The following ECT2 variants were observed in gnomAD, a reference collection of about 807,000 sequenced individuals.
ECT2 encodes protein ECT2.
In ECT2, 61 loss-of-function variants were observed where a neutral mutation model predicts 116.9. The ratio of observed to expected loss-of-function variants is 0.52; its 90% CI spans 0.42 to 0.65. ECT2 has a LOEUF of 0.65. Ranked by LOEUF, ECT2 falls within the 30% of genes least tolerant of loss-of-function variation. ECT2 has a pLI of 0.00. For missense variants in ECT2, 937 were observed against 1,078.7 expected (o/e 0.87, Z 1.84); for synonymous variants, 358 against 346.4 (o/e 1.03, Z -0.37).
chr3:172,787,065 A>G (rs1723729840), intron 18 of ECT2, among the ~76,000 whole-genome samples: 1 of 152,078 alleles, frequency 6.6e-6, no homozygotes, highest in Non-Finnish European at 1.5e-5. Context: ...TGATCTGGGG[A>G]GTTTGGTCAT....
At chr3:172,817,088 AT>A (rs1729856363) in intron 24 of ECT2, among the ~76,000 whole-genome samples, 1 of 152,076 alleles carries the variant, frequency 6.6e-6, no homozygotes, top group East Asian at 1.9e-4. Flanking sequence ...AGCTGGCTGC[AT>A]TTCAGACTGG....
intron 22 of ECT2, among the ~76,000 whole-genome samples, chr3:172,813,750 C>T (rs543420401): frequency 1.1e-4 from 17 of 151,972 alleles, no homozygotes; most frequent in Non-Finnish European, 1.0e-4. Context: ...TTACTGCACT[C>T]TAAATGCTCA....
At chr3:172,766,269 T>C (rs569955156) in intron 12 of ECT2, among the ~76,000 whole-genome samples, 17 of 152,334 alleles carry the variant, frequency 1.1e-4, no homozygotes, top group Admixed American at 1.0e-3. Context: ...AATGGATAGA[T>C]CAGTTTGCTT....
In ECT2 at chr3:172,809,774, A is replaced by G. The variant is rs550002012; in HGVS notation, c.2400+1850A>G. ...CTAATAAGCACAACTATTTTATTCT[A>G]TACTATTTCATTTGTCGTGTCCGCT... On this transcript the variant is annotated intron_variant, in intron 22 of 24. Coordinates refer to ENST00000392692, the MANE Select transcript of ECT2 (RefSeq NM_001258315.2). Among the ~76,000 whole-genome samples the G allele has an allele frequency of 6.9e-4, 105 of 152,258 alleles. 1 individual carries two copies. Among genetic ancestry groups the G allele is most frequent in the Non-Finnish European group, 1.4e-3 (93 of 67,982 alleles).
At chr3:172,805,700 T>C in intron 20 of ECT2, 31 bp from the exon 21 acceptor site, 1 of 1,603,806 alleles carries the variant, frequency 6.2e-7, no homozygotes. Context: ...TTCATTTTAT[T>C]GACTGATACT....
chr3:172,772,214 C>G lies in ECT2; in HGVS notation c.1429-1689C>G, dbSNP rs146849884. 2.3e-3 allele frequency among the ~76,000 whole-genome samples: 342 copies of G among 151,062 alleles called. 1 individual carries two copies. The highest frequency in any genetic ancestry group is 8.1e-3 in the African/African-American group (332 of 41,120). On this transcript the variant is annotated intron_variant, in intron 13 of 24. Coordinates refer to ENST00000392692, the MANE Select transcript of ECT2 (RefSeq NM_001258315.2). ...ATGGGGTTTCACCATGTTGGCCAGG[C>G]TGGGAGAATTATTATTTTTTTTGAG...
In ECT2 at chr3:172,760,199, G is replaced by T; in HGVS notation, c.620G>T (p.Arg207Leu). ...TLVHHMGGVIRKDFNSKVTHL... is the reference protein window; with the variant it reads ...TLVHHMGGVILKDFNSKVTHL... Reference sequence around the variant, plus strand: ...GTCCATCACATGGGTGGAGTTATTCGAAAAGACTTTAATTCAAAAGTTACA... The same window carrying T: ...GTCCATCACATGGGTGGAGTTATTCTAAAAGACTTTAATTCAAAAGTTACA... Residue 207 changes from arginine to leucine, a missense_variant, in exon 7 of 25, where the codon CGA becomes CTA. Coordinates refer to ENST00000392692, the MANE Select transcript of ECT2 (RefSeq NM_001258315.2). 2 of 1,612,336 alleles carry T rather than the reference G, an allele frequency of 1.2e-6. No individual in the cohort carries two copies. Among genetic ancestry groups the T allele is most frequent in the South Asian group, 2.2e-5 (2 of 90,818 alleles).
intron 14 of ECT2, among the ~76,000 whole-genome samples, chr3:172,778,030 T>G (rs909774556): frequency 6.6e-6 from 1 of 152,214 alleles, no homozygotes; most frequent in Admixed American, 6.5e-5. Context: ...CCATGTATGT[T>G]GGCTTACTGT....
intron 18 of ECT2, among the ~76,000 whole-genome samples, chr3:172,787,879 AAAGT>A (rs1183010881): frequency 2.0e-5 from 3 of 152,214 alleles, no homozygotes; most frequent in Non-Finnish European, 4.4e-5. Context: ...CAAAGATTAT[AAAGT>A]AAGTAAGGAA....
intron 17 of ECT2, 151 bp downstream of exon 17, chr3:172,784,954 G>T: frequency 2.1e-6 from 1 of 471,138 alleles, no homozygotes; most frequent in Non-Finnish European, 3.7e-6. Context: ...TTAAAAAATA[G>T]TTACTGGTGC....
intron 15 of ECT2, 69 bp from the exon 16 acceptor site, chr3:172,783,729 CT>C (rs1723122341): frequency 9.8e-7 from 1 of 1,024,856 alleles, no homozygotes; most frequent in South Asian, 1.4e-5. Context: ...AATTATTTGA[CT>C]TTAAGTTACA....
At chr3:172,804,762 C>T (rs1469290510) in intron 20 of ECT2, among the ~76,000 whole-genome samples, 1 of 151,940 alleles carries the variant, frequency 6.6e-6, no homozygotes, top group Non-Finnish European at 1.5e-5. Context: ...ATCTTATATC[C>T]CCTCCAGATT....
intron 12 of ECT2, among the ~76,000 whole-genome samples, chr3:172,767,933 T>A (rs1270640199): frequency 6.6e-6 from 1 of 152,186 alleles, no homozygotes; most frequent in African/African-American, 2.4e-5. Context: ...GGTTTCACCA[T>A]GTTGGCCAGG....
chr3:172,760,173 G>T lies in ECT2; in HGVS notation c.594G>T (p.Leu198Phe). Residue 198 changes from leucine to phenylalanine, a missense_variant, in exon 7 of 25, where the codon TTG (leucine) becomes TTT (phenylalanine). By Grantham distance (22) the Leu-to-Phe change is conservative (BLOSUM62 0). Coordinates refer to ENST00000392692, the MANE Select transcript of ECT2 (RefSeq NM_001258315.2). ...KKEELVRLVT[L>F]VHHMGGVIRK... is the part of the protein sequence containing the mutation. ...CTTTTGAGGTCAGGTTGGTGACATT[G>T]GTCCATCACATGGGTGGAGTTATTC... 4 of 1,606,818 alleles carry T rather than the reference G, an allele frequency of 2.5e-6. No homozygotes were observed. Among genetic ancestry groups the T allele is most frequent in the Non-Finnish European group, 3.4e-6 (4 of 1,176,410 alleles).
chr3:172,798,085 T>C (rs1055511084), intron 18 of ECT2, among the ~76,000 whole-genome samples: 3 of 152,174 alleles, frequency 2.0e-5, no homozygotes, highest in African/African-American at 7.2e-5. Context: ...TCAAAAGATT[T>C]CTCTCATCTT....
At chr3:172,794,472 G>T (rs1725253869) in intron 18 of ECT2, among the ~76,000 whole-genome samples, 1 of 152,074 alleles carries the variant, frequency 6.6e-6, no homozygotes, top group African/African-American at 2.4e-5. Context: ...CTGTGCTTAT[G>T]CCAGTACCAC....
At chr3:172,829,056 C>G in the ECT2 span, 2 of 730,006 alleles carry the variant, frequency 2.7e-6, no homozygotes, top group Non-Finnish European at 5.0e-6. Flanking sequence ...TGTGGGAAGG[C>G]TGTTTAGATG....
At chr3:172,753,058 A>G (rs1716235585) in intron 1 of ECT2, among the ~76,000 whole-genome samples, 1 of 152,200 alleles carries the variant, frequency 6.6e-6, no homozygotes, top group African/African-American at 2.4e-5. Context: ...ATTTACTCTC[A>G]GTAAAGTTGA....
In ECT2 at chr3:172,769,071, A is replaced by C; in HGVS notation, c.1356A>C (p.Ala452=). ...CTCCAGTTCCTTCAAAGCAGTCAGC[A>C]AGGTGGCAAGTTGCAAAAGAGCTTT... The part of the protein sequence containing the change: ...SSTPVPSKQS[A]RWQVAKELYQ... Residue 452 remains alanine, a synonymous_variant, in exon 13 of 25, where the codon GCA becomes GCC. Transcript: ENST00000392692. The C allele has an allele frequency of 1.2e-6, 2 of 1,613,626 alleles. No homozygotes were observed. Among genetic ancestry groups the C allele is most frequent in the Non-Finnish European group, 1.7e-6 (2 of 1,179,654 alleles).
Sources: allele counts gnomAD v4.1 joint callset (sites outside exome capture counted in the v4.1 genomes callset), GRCh38; gene constraint gnomAD v4.1.1; transcripts MANE v1.5; gene names NCBI Gene and HGNC (gene_info 2026-07-23, HGNC 2026-07-21).